The following LCMT1 variants were observed in gnomAD, a reference collection of about 807,000 sequenced individuals.
LCMT1 encodes [Phosphatase 2A protein]-leucine-carboxy methyltransferase 1.
LCMT1 carries 32 observed loss-of-function variants against 47.7 expected under a neutral mutation model. The ratio of observed to expected loss-of-function variants is 0.67; its 90% CI spans 0.51 to 0.90. LCMT1 has a LOEUF of 0.90. Ranked by LOEUF, LCMT1 falls within the 40% of genes least tolerant of loss-of-function variation. The pLI is 0.00. For missense variants in LCMT1, 375 were observed against 415.2 expected (o/e 0.90, Z 0.84); for synonymous variants, 152 against 149.7 (o/e 1.02, Z -0.11).
intron 10 of LCMT1, among the ~76,000 whole-genome samples, chr16:25,176,288 C>T (rs1011483213): frequency 1.3e-5 from 2 of 152,114 alleles, no homozygotes; most frequent in Non-Finnish European, 2.9e-5. Context: ...ATCCCAGTTC[C>T]GGCCTTCAGT....
intron 10 of LCMT1, among the ~76,000 whole-genome samples, chr16:25,176,358 G>A (rs1052737425): frequency 1.3e-5 from 2 of 151,932 alleles, no homozygotes; most frequent in Admixed American, 6.6e-5. Context: ...GGTCACAAGC[G>A]GGCAGCTGAT....
At chr16:25,132,166 C>A in intron 2 of LCMT1, 1 of 514,430 alleles carries the variant, frequency 1.9e-6, no homozygotes, top group South Asian at 2.1e-5. Context: ...CTCATTTTTT[C>A]AAAGGTAGTT....
chr16:25,159,010 C>T (rs991467148), intron 5 of LCMT1: 6 of 152,052 alleles, frequency 3.9e-5, no homozygotes, highest in African/African-American at 1.2e-4. Context: ...TTGTGTACAA[C>T]TTACAAGAAT....
chr16:25,125,066 A>G (rs1335366176), intron 1 of LCMT1, among the ~76,000 whole-genome samples: 1 of 152,188 alleles, frequency 6.6e-6, no homozygotes, highest in African/African-American at 2.4e-5. Context: ...GATTTTTTGA[A>G]TCTAGGCTTT....
chr16:25,116,585 C>G (rs1006865202), intron 1 of LCMT1, among the ~76,000 whole-genome samples: 5 of 151,964 alleles, frequency 3.3e-5, no homozygotes, highest in African/African-American at 1.2e-4. Flanking sequence ...CAGTGCCACT[C>G]TTCTCTTTTC....
intron 1 of LCMT1, among the ~76,000 whole-genome samples, chr16:25,127,201 C>T (rs1960216427): frequency 3.9e-5 from 6 of 152,116 alleles, no homozygotes; most frequent in Admixed American, 3.3e-4. Flanking sequence ...TGTAATGCAT[C>T]CTATTTTTTA....
intron 8 of LCMT1, among the ~76,000 whole-genome samples, chr16:25,169,729 G>T (rs139561054): frequency 6.6e-6 from 1 of 151,284 alleles, no homozygotes; most frequent in Non-Finnish European, 1.5e-5. Flanking sequence ...CCCAGTTCAT[G>T]TTCAGTTTCC....
intron 10 of LCMT1, among the ~76,000 whole-genome samples, chr16:25,176,909 G>A (rs993204568): frequency 3.3e-5 from 5 of 151,626 alleles, no homozygotes; most frequent in African/African-American, 1.2e-4. Context: ...ATTGAGCGCA[G>A]TGGCTCATGC....
chr16:25,160,931 G>A (rs1261825679), intron 5 of LCMT1, among the ~76,000 whole-genome samples, 171 bp from the exon 6 acceptor site: 8 of 151,546 alleles, frequency 5.3e-5, no homozygotes, highest in Non-Finnish European at 1.2e-4. Flanking sequence ...ACCAAAACAC[G>A]AATAGTTATC....
At chr16:25,131,195 A>G (rs1030284416) in intron 2 of LCMT1, among the ~76,000 whole-genome samples, 1 of 152,260 alleles carries the variant, frequency 6.6e-6, no homozygotes, top group Non-Finnish European at 1.5e-5. Flanking sequence ...AAGAAATGCC[A>G]AGAAATTTTA....
chr16:25,122,840 AG>A (rs1960033529), intron 1 of LCMT1, among the ~76,000 whole-genome samples: 1 of 147,376 alleles, frequency 6.8e-6, no homozygotes, highest in Non-Finnish European at 1.5e-5. Context: ...TTTTTGAGAC[AG>A]GATCTTGCCA....
chr16:25,166,488 G>A (rs764994986), intron 7 of LCMT1, among the ~76,000 whole-genome samples: 1 of 151,824 alleles, frequency 6.6e-6, no homozygotes, highest in Non-Finnish European at 1.5e-5. Flanking sequence ...CTGCAGCCTC[G>A]ACCGCGGGCT....
chr16:25,178,164 C>A lies in LCMT1; in HGVS notation c.*141C>A. ...GAGAAGCCTTGGTCACTACAGTGGT[C>A]GCACATGTTCCTCTTCCTGTTCCTG... On this transcript the variant is annotated 3_prime_UTR_variant, in exon 11 of 11. Coordinates refer to ENST00000399069, the MANE Select transcript of LCMT1 (RefSeq NM_016309.3). 1.5e-6 allele frequency: 1 copy of A among 687,728 alleles called. No homozygotes were observed. Among genetic ancestry groups the A allele is most frequent in the South Asian group, 1.8e-5 (1 of 55,334 alleles). The allele number at this position is 687,728 out of a possible 1,614,324, so 42.6% of individuals were successfully genotyped here.
chr16:25,122,027 C>A (rs1426937834), intron 1 of LCMT1, among the ~76,000 whole-genome samples: 1 of 152,138 alleles, frequency 6.6e-6, no homozygotes, highest in East Asian at 1.9e-4. Context: ...GTGTTGTGAT[C>A]AGCATTTTTG....
At chr16:25,118,777 C>T (rs1959878197) in intron 1 of LCMT1, among the ~76,000 whole-genome samples, 1 of 151,980 alleles carries the variant, frequency 6.6e-6, no homozygotes, top group South Asian at 2.1e-4. Context: ...GCCGGCCTGA[C>T]CTGTTCCAGG....
Position 25,151,530 on chromosome 16 carries a change from C to A in LCMT1, c.405-24C>A, listed in dbSNP as rs370548066. Reference sequence around the variant, plus strand: ...TTGAGGAGCAAATAGACTCATTTTTCTCCTCTTTCCCATCTTCCCATAGAT... The same window carrying A: ...TTGAGGAGCAAATAGACTCATTTTTATCCTCTTTCCCATCTTCCCATAGAT... On this transcript the variant is annotated intron_variant, in intron 4 of 10. Coordinates refer to ENST00000399069, the MANE Select transcript of LCMT1 (RefSeq NM_016309.3). 456 of 1,596,892 alleles carry A rather than the reference C, an allele frequency of 2.9e-4. 1 individual carries two copies. Among genetic ancestry groups the A allele is most frequent in the Non-Finnish European group, 2.4e-4 (277 of 1,166,244 alleles).
At chr16:25,134,240 G>C (rs1185729624) in intron 3 of LCMT1, among the ~76,000 whole-genome samples, 2 of 152,144 alleles carry the variant, frequency 1.3e-5, no homozygotes, top group African/African-American at 2.4e-5. Flanking sequence ...GGTCATCAGA[G>C]CTCTCAACCC....
At chr16:25,123,669 G>A (rs1379246555) in intron 1 of LCMT1, among the ~76,000 whole-genome samples, 4 of 134,778 alleles carry the variant, frequency 3.0e-5, no homozygotes, top group Admixed American at 8.0e-5. Flanking sequence ...GTGCAGTGGC[G>A]CAATCTTGGC....
chr16:25,168,340 G>A (rs1961649895), intron 7 of LCMT1, among the ~76,000 whole-genome samples: 1 of 152,182 alleles, frequency 6.6e-6, no homozygotes, highest in Non-Finnish European at 1.5e-5. Context: ...TGGCCACCAT[G>A]CCTGGCCTAA....
Sources: allele counts gnomAD v4.1 joint callset (sites outside exome capture counted in the v4.1 genomes callset), GRCh38; gene constraint gnomAD v4.1.1; transcripts MANE v1.5; gene names NCBI Gene and HGNC (gene_info 2026-07-23, HGNC 2026-07-21).